The following CADM2 variants were observed in gnomAD, a reference collection of about 807,000 sequenced individuals.
The protein encoded by CADM2 is cell adhesion molecule 2.
Under a neutral mutation model 49.8 loss-of-function variants are expected in CADM2, and 12 were observed. The ratio of observed to expected loss-of-function variants is 0.24; its 90% CI spans 0.15 to 0.39. The LOEUF (loss-of-function observed/expected upper bound fraction) is 0.39. Ranked by LOEUF, CADM2 falls within the 10% of genes least tolerant of loss-of-function variation. The pLI, the probability that CADM2 is intolerant of heterozygous loss-of-function variation, is 1.00. For missense variants in CADM2, 378 were observed against 492.3 expected (o/e 0.77, Z 2.20); for synonymous variants, 214 against 175.4 (o/e 1.22, Z -1.74).
intron 1 of CADM2, among the ~76,000 whole-genome samples, chr3:85,665,994 A>G (rs2065553759): frequency 1.3e-5 from 2 of 151,996 alleles, no homozygotes; most frequent in Non-Finnish European, 2.9e-5. Context: ...AGAAAACCCC[A>G]TCGTCTCAGC....
At chr3:85,651,664 A>G (rs1451231088) in intron 1 of CADM2, among the ~76,000 whole-genome samples, 1 of 152,110 alleles carries the variant, frequency 6.6e-6, no homozygotes, top group Non-Finnish European at 1.5e-5. Flanking sequence ...ATAAATTTCT[A>G]TATAATCTCT....
At chr3:85,673,486 T>G (rs1577062096) in intron 1 of CADM2, among the ~76,000 whole-genome samples, 1 of 129,130 alleles carries the variant, frequency 7.7e-6, no homozygotes. Flanking sequence ...GGGAAGAGAG[T>G]GCTATTAAAA....
intron 1 of CADM2, among the ~76,000 whole-genome samples, chr3:85,129,252 T>C (rs1356977491): frequency 6.6e-6 from 1 of 152,158 alleles, no homozygotes; most frequent in Non-Finnish European, 1.5e-5. Flanking sequence ...AAAGCCAAAG[T>C]AAAAGAAACC....
At chr3:85,104,805 C>T (rs2038149041) in intron 1 of CADM2, among the ~76,000 whole-genome samples, 1 of 151,700 alleles carries the variant, frequency 6.6e-6, no homozygotes, top group African/African-American at 2.4e-5. Context: ...AAGTTGGATT[C>T]CTAGGTATTT....
chr3:85,947,395 G>T (rs1293801308), intron 7 of CADM2, among the ~76,000 whole-genome samples: 1 of 151,690 alleles, frequency 6.6e-6, no homozygotes, highest in Admixed American at 6.6e-5. Context: ...ATGTGTGTGT[G>T]TGTCTGTGTG....
At chr3:85,248,997 G>A (rs1259193819) in intron 1 of CADM2, among the ~76,000 whole-genome samples, 3 of 152,000 alleles carry the variant, frequency 2.0e-5, no homozygotes, top group African/African-American at 7.2e-5. Flanking sequence ...TACAAAAAAT[G>A]TTATCATCTG....
intron 1 of CADM2, among the ~76,000 whole-genome samples, chr3:85,481,554 T>C (rs1360374744): frequency 6.6e-6 from 1 of 151,684 alleles, no homozygotes; most frequent in Admixed American, 6.6e-5. Flanking sequence ...CATTTTGATT[T>C]ATTTCCAACA....
chr3:85,176,606 T>C (rs962009835), intron 1 of CADM2, among the ~76,000 whole-genome samples: 1 of 152,174 alleles, frequency 6.6e-6, no homozygotes, highest in African/African-American at 2.4e-5. Flanking sequence ...CATTGCTAAA[T>C]GATGGATCAA....
At chr3:85,493,870 T>C (rs2039777741) in intron 1 of CADM2, among the ~76,000 whole-genome samples, 1 of 152,208 alleles carries the variant, frequency 6.6e-6, no homozygotes, top group Non-Finnish European at 1.5e-5. Context: ...TTCTCCTATC[T>C]GATAAAATAG....
In CADM2 at chr3:85,611,534, A is replaced by G. The variant is rs145659712; in HGVS notation, c.62-114988A>G. 1.8e-4 allele frequency among the ~76,000 whole-genome samples: 28 copies of G among 151,546 alleles called. 2 individuals are homozygous for G. In the East Asian group the frequency reaches 5.3e-3, roughly 29 times the overall value. On this transcript the variant is annotated intron_variant, in intron 1 of 9. Transcript: ENST00000383699. ...AAAGAGTGGAGGGAAAGACCTGCTA[A>G]TAACAGGAGCTAATAAACTCTTAAA...
At chr3:85,321,116 A>ATAT (rs2044596196) in intron 1 of CADM2, among the ~76,000 whole-genome samples, 68 of 27,496 alleles carry the variant, frequency 2.5e-3, no homozygotes, top group Non-Finnish European at 3.1e-3. Context: ...ATATATATAT[A>ATAT]TTTTTTTTTT....
chr3:85,223,012 A>G (rs12490643), intron 1 of CADM2, among the ~76,000 whole-genome samples: 12,179 of 152,252 alleles, frequency 0.08, 1,024 homozygotes, highest in Admixed American at 0.25. Context: ...AGCGGTCATT[A>G]TGCCCTATTC....
intron 5 of CADM2, among the ~76,000 whole-genome samples, chr3:85,911,927 TTTA>T (rs1717652662): frequency 6.6e-6 from 1 of 151,246 alleles, no homozygotes; most frequent in African/African-American, 2.4e-5. Context: ...TTTAATTTTT[TTTA>T]TTATTTATTT....
intron 1 of CADM2, among the ~76,000 whole-genome samples, chr3:85,258,603 A>G (rs1447868692): frequency 4.6e-5 from 7 of 152,118 alleles, no homozygotes; most frequent in East Asian, 1.9e-4. Context: ...ACGCTATCCA[A>G]TCCCTGAAAA....
intron 1 of CADM2, among the ~76,000 whole-genome samples, chr3:85,419,769 A>G (rs12493461): frequency 0.25 from 38,035 of 151,998 alleles, 4,933 homozygotes; most frequent in South Asian, 0.34. Flanking sequence ...AACTACAACT[A>G]CTAATAATAA....
chr3:85,958,349 G>A (rs1356305081), intron 7 of CADM2, among the ~76,000 whole-genome samples: 1 of 152,002 alleles, frequency 6.6e-6, no homozygotes, highest in Non-Finnish European at 1.5e-5. Flanking sequence ...ACTGTTGGTG[G>A]GAATGTAAAT....
chr3:85,278,318 C>G (rs1174721269), intron 1 of CADM2, among the ~76,000 whole-genome samples: 1 of 151,422 alleles, frequency 6.6e-6, no homozygotes, highest in Non-Finnish European at 1.5e-5. Flanking sequence ...ACCTCTACAG[C>G]TCTTTTAAAT....
intron 8 of CADM2, among the ~76,000 whole-genome samples, chr3:86,016,536 T>G (rs1395315134): frequency 1.3e-5 from 2 of 152,202 alleles, no homozygotes; most frequent in Non-Finnish European, 2.9e-5. Flanking sequence ...TTGTTTAACT[T>G]CCACCTCTTT....
chr3:85,746,512 A>G (rs2068627894), intron 2 of CADM2, among the ~76,000 whole-genome samples: 1 of 152,178 alleles, frequency 6.6e-6, no homozygotes, highest in Non-Finnish European at 1.5e-5. Flanking sequence ...ATTTTGTGCC[A>G]TCATTTCATA....
Sources: allele counts gnomAD v4.1 joint callset (sites outside exome capture counted in the v4.1 genomes callset), GRCh38; gene constraint gnomAD v4.1.1; transcripts MANE v1.5; gene names NCBI Gene and HGNC (gene_info 2026-07-23, HGNC 2026-07-21).